Variants in TEAD1 observed in about 807,000 individuals in gnomAD.
TEAD1 encodes the protein transcriptional enhancer factor TEF-1.
Under a neutral mutation model 54.9 loss-of-function variants are expected in TEAD1, and 9 were observed. That is an observed-to-expected ratio of 0.16 (90% CI 0.10 to 0.29). The LOEUF is 0.29. TEAD1 is among the 10% of genes least tolerant of loss of function. The pLI is 1.00. For missense variants in TEAD1, 387 were observed against 535.9 expected, an observed-to-expected ratio of 0.72 and a Z score of 2.74; for synonymous variants, 200 against 187.8, an observed-to-expected ratio of 1.07 and a Z score of -0.53.
chr11:12,783,133 T>TGTGTGTGTGTGC (rs1198828193), intron 3 of TEAD1, among the ~76,000 whole-genome samples: 1 of 145,496 alleles, frequency 6.9e-6, no homozygotes, highest in African/African-American at 2.7e-5. Context: ...TGTGTGTGTG[T>TGTGTGTGTGTGC]GCGCGCACTT....
chr11:12,815,859 G>A (rs1442901311), intron 3 of TEAD1, among the ~76,000 whole-genome samples: 2 of 152,222 alleles, frequency 1.3e-5, no homozygotes, highest in Admixed American at 6.5e-5. Context: ...ACAGATCAAT[G>A]AATTCTTTCC....
At chr11:12,793,379 T>G (rs2133964532) in intron 3 of TEAD1, among the ~76,000 whole-genome samples, 1 of 152,328 alleles carries the variant, frequency 6.6e-6, no homozygotes, top group Admixed American at 6.5e-5. Flanking sequence ...TTCCTCAGTC[T>G]GTGATCAGTG....
chr11:12,874,248 A>T (rs1288654240), intron 5 of TEAD1, among the ~76,000 whole-genome samples: 1 of 152,232 alleles, frequency 6.6e-6, no homozygotes, highest in African/African-American at 2.4e-5. Context: ...ATAGAATATG[A>T]GATAATTGAT....
At chr11:12,923,525 T>C (rs1425028658) in intron 10 of TEAD1, among the ~76,000 whole-genome samples, 2 of 152,184 alleles carry the variant, frequency 1.3e-5, no homozygotes, top group South Asian at 2.1e-4. Flanking sequence ...TATCCGCAGC[T>C]CTGAGCATTG....
chr11:12,775,088 G>A (rs1181793539), intron 3 of TEAD1, among the ~76,000 whole-genome samples: 15 of 152,300 alleles, frequency 9.8e-5, no homozygotes. Context: ...GCCTGTTCAG[G>A]ACTTGTTGGA....
intron 3 of TEAD1, among the ~76,000 whole-genome samples, chr11:12,834,059 G>A (rs1946833923): frequency 1.3e-5 from 2 of 152,312 alleles, no homozygotes; most frequent in Middle Eastern, 3.4e-3. Context: ...ATTTGAATCC[G>A]AGAGAGATGA....
At chr11:12,779,650 A>G (rs1945504225) in intron 3 of TEAD1, among the ~76,000 whole-genome samples, 1 of 152,228 alleles carries the variant, frequency 6.6e-6, no homozygotes, top group Non-Finnish European at 1.5e-5. Flanking sequence ...AAAATAACTA[A>G]TATCCCTTAT....
intron 3 of TEAD1, among the ~76,000 whole-genome samples, chr11:12,785,886 A>G (rs1335403192): frequency 6.6e-6 from 1 of 152,112 alleles, no homozygotes; most frequent in African/African-American, 2.4e-5. Context: ...TAATTTACTA[A>G]CTTAGTTTTT....
intron 2 of TEAD1, among the ~76,000 whole-genome samples, chr11:12,679,130 G>A (rs944582573): frequency 6.6e-6 from 1 of 152,088 alleles, no homozygotes; most frequent in Non-Finnish European, 1.5e-5. Flanking sequence ...AATGGTAGTA[G>A]TGGTGGTGGT....
intron 3 of TEAD1, among the ~76,000 whole-genome samples, chr11:12,815,600 A>G (rs1301101370): frequency 1.3e-5 from 2 of 152,248 alleles, no homozygotes; most frequent in Non-Finnish European, 2.9e-5. Context: ...AGGTGTTTCA[A>G]CTAGATGTAA....
At chr11:12,854,530 C>T (rs1383030518) in intron 3 of TEAD1, among the ~76,000 whole-genome samples, 1 of 152,154 alleles carries the variant, frequency 6.6e-6, no homozygotes, top group Admixed American at 6.6e-5. Context: ...CTGACCAGTT[C>T]TCATGGGTTG....
chr11:12,882,008 A>G, intron 8 of TEAD1, 51 bp downstream of exon 8: 1 of 1,591,166 alleles, frequency 6.3e-7, no homozygotes, highest in Non-Finnish European at 8.6e-7. Flanking sequence ...CACAGCTGAC[A>G]GCTGGGTCTG....
At chr11:12,682,667 C>G (rs1943247048) in intron 2 of TEAD1, among the ~76,000 whole-genome samples, 1 of 152,122 alleles carries the variant, frequency 6.6e-6, no homozygotes, top group Non-Finnish European at 1.5e-5. Context: ...TTTCACGGAG[C>G]TACTGCTTGC....
At chr11:12,807,830 G>C (rs1187222040) in intron 3 of TEAD1, among the ~76,000 whole-genome samples, 2 of 152,288 alleles carry the variant, frequency 1.3e-5, no homozygotes, top group East Asian at 3.9e-4. Context: ...GGCCAGACCT[G>C]GACAGGTACT....
rs899750363 is a variant in TEAD1 at position 12,715,164 on chromosome 11, T to A, written c.-55+39603T>A. 3.3e-5 allele frequency among the ~76,000 whole-genome samples: 5 copies of A among 152,232 alleles called. No homozygotes were observed. In the South Asian group the frequency reaches 1.0e-3, roughly 32 times the overall value. On this transcript the variant is annotated intron_variant, in intron 2 of 12. Coordinates refer to ENST00000527636, the MANE Select transcript of TEAD1 (RefSeq NM_021961.6). ...TCAGTCACCGCTTCCAGTTTCTGTT[T>A]GGGACCCATCTAACTTAGTATGATT...
intron 10 of TEAD1, among the ~76,000 whole-genome samples, chr11:12,923,428 C>G (rs1948849468): frequency 6.6e-6 from 1 of 152,202 alleles, no homozygotes; most frequent in Non-Finnish European, 1.5e-5. Context: ...CCGTACCTCT[C>G]TCCCTGGTGC....
intron 3 of TEAD1, among the ~76,000 whole-genome samples, chr11:12,830,114 A>G (rs181166557): frequency 6.6e-6 from 1 of 152,218 alleles, no homozygotes; most frequent in African/African-American, 2.4e-5. Flanking sequence ...AGCCATTGGG[A>G]AATAGAGGAG....
intron 9 of TEAD1, among the ~76,000 whole-genome samples, chr11:12,884,348 C>T (rs973652427): frequency 2.0e-5 from 3 of 152,182 alleles, no homozygotes; most frequent in African/African-American, 2.4e-5. Flanking sequence ...CAACTCTCAC[C>T]ACGTTCTCTA....
At chr11:12,782,806 A>T (rs538044097) in intron 3 of TEAD1, among the ~76,000 whole-genome samples, 1 of 152,362 alleles carries the variant, frequency 6.6e-6, no homozygotes, top group South Asian at 2.1e-4. Context: ...AGATGAACAT[A>T]CAAGTTAACT....
Sources: allele counts gnomAD v4.1 joint callset (sites outside exome capture counted in the v4.1 genomes callset), GRCh38; gene constraint gnomAD v4.1.1; transcripts MANE v1.5; gene names NCBI Gene and HGNC (gene_info 2026-07-23, HGNC 2026-07-21).